SGCZ: variants seen among roughly 807,000 people sequenced by gnomAD.
The protein encoded by SGCZ is sarcoglycan zeta.
A neutral mutation model predicts 41.3 loss-of-function variants in SGCZ; 40 were observed. That is an observed-to-expected ratio of 0.97 (90% CI 0.75 to 1.26). The LOEUF is 1.26. SGCZ is among the 50% of genes most tolerant of loss of function. The pLI is 0.00. For missense variants in SGCZ, 552 were observed against 369.8 expected (o/e 1.49, Z -4.04); for synonymous variants, 206 against 137.5 (o/e 1.50, Z -3.49).
chr8:15,098,675 A>T (rs1459290488), intron 1 of SGCZ, among the ~76,000 whole-genome samples: 1 of 152,060 alleles, frequency 6.6e-6, no homozygotes, highest in Non-Finnish European at 1.5e-5. Context: ...TCTGGCTTTT[A>T]AGTTTAATAA....
intron 3 of SGCZ, among the ~76,000 whole-genome samples, chr8:14,296,211 T>C (rs1222555533): frequency 6.6e-6 from 1 of 152,128 alleles, no homozygotes; most frequent in East Asian, 1.9e-4. Flanking sequence ...GCCAACACTC[T>C]TGAAGCAAGG....
intron 1 of SGCZ, among the ~76,000 whole-genome samples, chr8:14,567,026 G>T (rs1029767389): frequency 6.6e-6 from 1 of 152,194 alleles, no homozygotes; most frequent in Non-Finnish European, 1.5e-5. Context: ...CAGCAGTGCC[G>T]GCTCCCCGGG....
intron 1 of SGCZ, among the ~76,000 whole-genome samples, chr8:14,943,363 T>A (rs921517874): frequency 6.6e-6 from 1 of 152,106 alleles, no homozygotes; most frequent in African/African-American, 2.4e-5. Context: ...TCAAACAGGG[T>A]CAAAAAGGCA....
chr8:14,375,831 C>A (rs1247177641), intron 2 of SGCZ, among the ~76,000 whole-genome samples: 2 of 151,858 alleles, frequency 1.3e-5, no homozygotes, highest in Admixed American at 6.6e-5. Context: ...AATAAATAAA[C>A]CAATGGAATC....
At chr8:14,352,305 A>G (rs1185941125) in intron 2 of SGCZ, among the ~76,000 whole-genome samples, 1 of 152,106 alleles carries the variant, frequency 6.6e-6, no homozygotes, top group Non-Finnish European at 1.5e-5. Context: ...GAAGTAACGT[A>G]TAAGGAGTAG....
rs868597801 is a variant in SGCZ at position 14,860,189 on chromosome 8, T to C, written c.40-305263A>G. Among the ~76,000 whole-genome samples, 5 of 152,156 alleles carry C rather than the reference T, an allele frequency of 3.3e-5. No homozygotes were observed. In the South Asian group the frequency reaches 6.2e-4, roughly 19 times the overall value. ...CGAAGAAAATGCTACACAAAGTCTT[T>C]TTTTTTGTCTTTTTTTTTTCTTCTT... On this transcript the variant is annotated intron_variant, in intron 1 of 7. Coordinates refer to ENST00000382080, the MANE Select transcript of SGCZ (RefSeq NM_139167.4).
At chr8:14,908,361 C>A (rs1479384533) in intron 1 of SGCZ, among the ~76,000 whole-genome samples, 1 of 152,120 alleles carries the variant, frequency 6.6e-6, no homozygotes, top group Non-Finnish European at 1.5e-5. Flanking sequence ...ATAGCAGACA[C>A]TAGGCACATG....
At chr8:15,029,583 T>C (rs573248561) in intron 1 of SGCZ, among the ~76,000 whole-genome samples, 62 of 152,234 alleles carry the variant, frequency 4.1e-4, no homozygotes, top group South Asian at 3.5e-3. Flanking sequence ...CAGTGAATAT[T>C]TAACAATGTA....
At chr8:14,756,332 T>C (rs1799665588) in intron 1 of SGCZ, among the ~76,000 whole-genome samples, 1 of 151,884 alleles carries the variant, frequency 6.6e-6, no homozygotes, top group Admixed American at 6.6e-5. Flanking sequence ...ATTATAGGCA[T>C]GCACCACCAT....
At chr8:14,102,529 G>GAAA in intron 6 of SGCZ, 30 bp from the exon 7 acceptor site, 1 of 1,321,458 alleles carries the variant, frequency 7.6e-7, no homozygotes, top group Non-Finnish European at 9.8e-7. Flanking sequence ...TCATTAATAG[G>GAAA]AAAAAAAAAC....
intron 1 of SGCZ, among the ~76,000 whole-genome samples, chr8:15,144,341 G>C (rs1180181188): frequency 6.6e-6 from 1 of 151,986 alleles, no homozygotes; most frequent in Non-Finnish European, 1.5e-5. Flanking sequence ...TGTTATTTTT[G>C]TACCTCAGGT....
intron 1 of SGCZ, among the ~76,000 whole-genome samples, chr8:14,665,360 G>A (rs889174212): frequency 1.3e-5 from 2 of 152,146 alleles, no homozygotes; most frequent in African/African-American, 4.8e-5. Flanking sequence ...TTTTATGGCT[G>A]CATAGTATTC....
chr8:15,080,100 A>G (rs1805683656), intron 1 of SGCZ, among the ~76,000 whole-genome samples: 1 of 151,702 alleles, frequency 6.6e-6, no homozygotes, highest in African/African-American at 2.4e-5. Context: ...GTAAAGACCC[A>G]TTTTCAATTA....
chr8:14,967,309 C>T (rs749078885), intron 1 of SGCZ, among the ~76,000 whole-genome samples: 1 of 152,122 alleles, frequency 6.6e-6, no homozygotes, highest in African/African-American at 2.4e-5. Flanking sequence ...AAAGGGATAG[C>T]GCTTCTAACT....
intron 1 of SGCZ, among the ~76,000 whole-genome samples, chr8:15,126,333 C>G (rs1807679105): frequency 6.6e-6 from 1 of 152,114 alleles, no homozygotes; most frequent in Admixed American, 6.6e-5. Context: ...TGTCCAAATG[C>G]ATGGATTTAT....
At chr8:14,908,694 G>A (rs28507271) in intron 1 of SGCZ, among the ~76,000 whole-genome samples, 99 of 145,228 alleles carry the variant, frequency 6.8e-4, no homozygotes, top group African/African-American at 2.5e-3. Flanking sequence ...AGCTTGCAGT[G>A]AGCCGAGATC....
At chr8:14,968,990 T>C (rs1801207788) in intron 1 of SGCZ, among the ~76,000 whole-genome samples, 1 of 152,142 alleles carries the variant, frequency 6.6e-6, no homozygotes, top group South Asian at 2.1e-4. Context: ...ATAGTCAGTA[T>C]CAGCCTTATG....
chr8:14,432,888 T>G (rs1585505134), intron 2 of SGCZ, among the ~76,000 whole-genome samples: 1 of 113,476 alleles, frequency 8.8e-6, no homozygotes, highest in Admixed American at 1.3e-4. Context: ...CACTCCAGCC[T>G]GGGCAAAAGA....
At chr8:14,686,068 C>G (rs1469890809) in intron 1 of SGCZ, among the ~76,000 whole-genome samples, 1 of 152,018 alleles carries the variant, frequency 6.6e-6, no homozygotes, top group East Asian at 1.9e-4. Context: ...TGTTTCGTCT[C>G]GGGAAGACTT....
Sources: allele counts gnomAD v4.1 joint callset (sites outside exome capture counted in the v4.1 genomes callset), GRCh38; gene constraint gnomAD v4.1.1; transcripts MANE v1.5; gene names NCBI Gene and HGNC (gene_info 2026-07-23, HGNC 2026-07-21).